Variants in GUCY1A2 observed in about 807,000 individuals in gnomAD.
GUCY1A2 encodes the protein guanylate cyclase 1 soluble subunit alpha 2, also known as guanylate cyclase soluble subunit alpha-2.
GUCY1A2 carries 27 observed loss-of-function variants against 63.5 expected under a neutral mutation model. That is an observed-to-expected ratio of 0.43 (90% CI 0.31 to 0.59). The LOEUF (loss-of-function observed/expected upper bound fraction) is 0.59. Ranked by LOEUF, GUCY1A2 falls within the 20% of genes least tolerant of loss-of-function variation. The probability of loss-of-function intolerance (pLI) is 0.11; values close to 1 mark genes in which losing one functional copy is unlikely to be tolerated. For missense variants in GUCY1A2, 768 were observed against 913.3 expected (o/e 0.84, Z 2.05); for synonymous variants, 364 against 343.5 (o/e 1.06, Z -0.66).
chr11:106,863,232 G>A (rs533344585), intron 4 of GUCY1A2, among the ~76,000 whole-genome samples: 24 of 152,174 alleles, frequency 1.6e-4, no homozygotes, highest in African/African-American at 5.5e-4. Flanking sequence ...TTTCCTGAAC[G>A]GTATTGCCTA....
chr11:106,932,784 G>C (rs1403731250), intron 4 of GUCY1A2, among the ~76,000 whole-genome samples: 1 of 152,050 alleles, frequency 6.6e-6, no homozygotes, highest in Non-Finnish European at 1.5e-5. Flanking sequence ...ACATAAACCA[G>C]TGGAACAGAA....
At chr11:106,914,677 G>T (rs1860345186) in intron 4 of GUCY1A2, among the ~76,000 whole-genome samples, 2 of 151,520 alleles carry the variant, frequency 1.3e-5, no homozygotes, top group South Asian at 4.2e-4. Flanking sequence ...TCTGAGAAGA[G>T]AAATAATTAC....
At chr11:106,845,996 C>A (rs942347968) in intron 4 of GUCY1A2, among the ~76,000 whole-genome samples, 4 of 151,518 alleles carry the variant, frequency 2.6e-5, no homozygotes, top group African/African-American at 9.7e-5. Context: ...TGATACAGCT[C>A]TTGCCAAAAA....
At position 106,880,663 on chromosome 11, in the gene GUCY1A2, G is replaced by A. The variant is rs186721381; in HGVS notation, c.1206+58797C>T. ...GGTTGTTTAGCATAGAAGAGGTTCAGTTGTCAAAAAATTTGGGGAAGAGTG... is the reference window on the plus strand; with the variant it reads ...GGTTGTTTAGCATAGAAGAGGTTCAATTGTCAAAAAATTTGGGGAAGAGTG... On this transcript the variant is annotated intron_variant, in intron 4 of 7. Coordinates refer to ENST00000526355, the MANE Select transcript of GUCY1A2 (RefSeq NM_000855.3). Among the ~76,000 whole-genome samples, 36 of 152,194 alleles carry A rather than the reference G, an allele frequency of 2.4e-4. No individual in the cohort carries two copies. The East Asian group carries it at 4.4e-3, about 19-fold the overall frequency.
chr11:106,946,382 TATG>T (rs1455029006), intron 3 of GUCY1A2, among the ~76,000 whole-genome samples: 5 of 152,010 alleles, frequency 3.3e-5, no homozygotes. Context: ...GTAAAAGAAA[TATG>T]ATAAATCAAG....
Position 106,675,586 on chromosome 11 carries a change from C to G in GUCY1A2, c.*11963G>C. ...TGTTCAAATTTCATCTTAATTTCTT[C>G]TATTTTTCTCAACCATATTTCTTCT... On this transcript the variant is annotated 3_prime_UTR_variant, in exon 8 of 8. Coordinates refer to ENST00000526355, the MANE Select transcript of GUCY1A2 (RefSeq NM_000855.3). 5.2e-6 allele frequency: 1 copy of G among 191,078 alleles called. No homozygotes were observed. Among genetic ancestry groups the G allele is most frequent in the Non-Finnish European group, 1.1e-5 (1 of 91,222 alleles). 11.8% of individuals were successfully genotyped at this position (191,078 alleles called of 1,614,324 possible). A position where few individuals can be genotyped will look rare whatever the true frequency, so the allele number is the denominator to read the frequency against.
At chr11:106,783,271 A>G (rs1864497023) in intron 5 of GUCY1A2, among the ~76,000 whole-genome samples, 1 of 152,220 alleles carries the variant, frequency 6.6e-6, no homozygotes, top group Non-Finnish European at 1.5e-5. Context: ...ACATTCTTGA[A>G]GCTGGGAGCA....
In GUCY1A2 at chr11:106,762,062, A is replaced by G. The variant is rs922919436; in HGVS notation, c.1836+14377T>C. On this transcript the variant is annotated intron_variant, in intron 6 of 7. Transcript: ENST00000526355. ...TTATACTTTGGGTAGCAAAATTACT[A>G]ATTTGTATTTTGAGTGCTGGGGTAA... is the stretch of plus-strand genomic sequence containing the variant. 9.2e-5 allele frequency among the ~76,000 whole-genome samples: 14 copies of G among 152,226 alleles called. No homozygotes were observed. In the East Asian group the frequency reaches 2.7e-3, roughly 29 times the overall value.
At position 106,826,613 on chromosome 11, in the gene GUCY1A2, G is replaced by A; in HGVS notation, c.1207-16135C>T. 13 of 1,603,946 alleles carry A rather than the reference G, an allele frequency of 8.1e-6. 1 individual carries two copies. In the South Asian group the frequency reaches 1.2e-4, roughly 15 times the overall value. ...AATTCATGATCTGAACCTAAGCCCTGTGCATTGTATTTTCCCAGCAGTACA... is the reference window on the plus strand; with the variant it reads ...AATTCATGATCTGAACCTAAGCCCTATGCATTGTATTTTCCCAGCAGTACA... On this transcript the variant is annotated intron_variant, in intron 4 of 7. Coordinates refer to ENST00000526355, the MANE Select transcript of GUCY1A2 (RefSeq NM_000855.3).
chr11:106,707,949 T>C (rs1862945834), intron 7 of GUCY1A2, among the ~76,000 whole-genome samples: 1 of 152,126 alleles, frequency 6.6e-6, no homozygotes, highest in Admixed American at 6.5e-5. Context: ...GGAAATGCTC[T>C]TTGGAAGATA....
intron 4 of GUCY1A2, among the ~76,000 whole-genome samples, chr11:106,895,479 G>C (rs1285579943): frequency 1.3e-5 from 2 of 152,130 alleles, no homozygotes; most frequent in African/African-American, 4.8e-5. Flanking sequence ...ATGAATCATG[G>C]GGGCAGGTTT....
At chr11:106,748,625 A>G (rs1863831804) in intron 6 of GUCY1A2, among the ~76,000 whole-genome samples, 1 of 152,174 alleles carries the variant, frequency 6.6e-6, no homozygotes, top group African/African-American at 2.4e-5. Context: ...ATGCTACTCT[A>G]TTTTCTAATT....
At chr11:106,856,103 G>GTT (rs1328490243) in intron 4 of GUCY1A2, among the ~76,000 whole-genome samples, 1 of 130,328 alleles carries the variant, frequency 7.7e-6, no homozygotes, top group Non-Finnish European at 1.7e-5. Context: ...ATTTTTTTTT[G>GTT]TATTTTTTTT....
intron 2 of GUCY1A2, among the ~76,000 whole-genome samples, chr11:106,980,095 AGAGGAAGAAGACTCTG>A (rs1261414229): frequency 6.6e-6 from 1 of 152,208 alleles, no homozygotes; most frequent in Non-Finnish European, 1.5e-5. Context: ...CTGACTGATA[AGAGGAAGAAGACTCTG>A]GAGAAAGTTA....
At chr11:106,996,982 G>A (rs1447804294) in intron 1 of GUCY1A2, among the ~76,000 whole-genome samples, 1 of 152,128 alleles carries the variant, frequency 6.6e-6, no homozygotes, top group African/African-American at 2.4e-5. Context: ...CTAAGTTAGA[G>A]ATACAGAATA....
intron 1 of GUCY1A2, among the ~76,000 whole-genome samples, chr11:107,013,513 T>C (rs1482701238): frequency 2.0e-5 from 3 of 152,270 alleles, no homozygotes; most frequent in African/African-American, 2.4e-5. Context: ...AAATGATTTA[T>C]ACATCTTCAA....
At position 106,680,018 on chromosome 11, in the gene GUCY1A2, G is replaced by A; in HGVS notation, c.*7531C>T. The stretch of plus-strand genomic sequence containing the variant: ...AGTGACCAGTAGTCAAATAAATCAT[G>A]TGGCTTCCATTAAACCAGAGGTGTT... On this transcript the variant is annotated 3_prime_UTR_variant, in exon 8 of 8. Transcript: ENST00000526355. 1 of 215,654 alleles carries A rather than the reference G, an allele frequency of 4.6e-6. No homozygotes were observed. The highest frequency in any genetic ancestry group is 2.3e-5 in the African/African-American group (1 of 44,168). 13.4% of individuals were successfully genotyped at this position (215,654 alleles called of 1,614,324 possible). A position where few individuals can be genotyped will look rare whatever the true frequency, so the allele number is the denominator to read the frequency against.
chr11:106,720,022 C>T (rs1402555948), intron 6 of GUCY1A2, among the ~76,000 whole-genome samples: 1 of 152,180 alleles, frequency 6.6e-6, no homozygotes, highest in Non-Finnish European at 1.5e-5. Context: ...GCTCCCAGGA[C>T]ACTGAAGTTA....
At chr11:106,841,684 C>T (rs1445343717) in intron 4 of GUCY1A2, among the ~76,000 whole-genome samples, 1 of 151,894 alleles carries the variant, frequency 6.6e-6, no homozygotes, top group Non-Finnish European at 1.5e-5. Context: ...GTTCTCTTAT[C>T]TAAAACTTTC....
Sources: allele counts gnomAD v4.1 joint callset (sites outside exome capture counted in the v4.1 genomes callset), GRCh38; gene constraint gnomAD v4.1.1; transcripts MANE v1.5; gene names NCBI Gene and HGNC (gene_info 2026-07-23, HGNC 2026-07-21).